Variants in CNTNAP2 observed in about 807,000 individuals in gnomAD.
CNTNAP2 encodes the protein contactin-associated protein-like 2.
A neutral mutation model predicts 155.2 loss-of-function variants in CNTNAP2; 98 were observed. The ratio of observed to expected loss-of-function variants is 0.63; its 90% CI spans 0.54 to 0.75. The LOEUF is 0.75. Ranked by LOEUF, CNTNAP2 falls within the 30% of genes least tolerant of loss-of-function variation. CNTNAP2 has a pLI of 0.00. For missense variants in CNTNAP2, 1,727 were observed against 1,688.1 expected (o/e 1.02, Z -0.40); for synonymous variants, 651 against 631.2 (o/e 1.03, Z -0.47).
intron 1 of CNTNAP2, among the ~76,000 whole-genome samples, chr7:146,144,758 T>G (rs1797933542): frequency 6.6e-6 from 1 of 152,236 alleles, no homozygotes; most frequent in Non-Finnish European, 1.5e-5. Flanking sequence ...TGTTTCTTCC[T>G]GCCTCTCTAA....
chr7:146,384,200 A>C (rs1795429681), intron 1 of CNTNAP2, among the ~76,000 whole-genome samples: 1 of 152,228 alleles, frequency 6.6e-6, no homozygotes, highest in Admixed American at 6.5e-5. Flanking sequence ...TGGTACATAA[A>C]GTGAATTGTG....
intron 16 of CNTNAP2, among the ~76,000 whole-genome samples, chr7:148,146,674 G>C (rs1235945036): frequency 6.6e-6 from 1 of 152,180 alleles, no homozygotes; most frequent in Non-Finnish European, 1.5e-5. Context: ...TTATTCTCCA[G>C]AAATGTTGTG....
At chr7:147,526,090 G>T (rs1306613836) in intron 11 of CNTNAP2, among the ~76,000 whole-genome samples, 1 of 151,602 alleles carries the variant, frequency 6.6e-6, no homozygotes, top group Admixed American at 6.6e-5. Flanking sequence ...TACTCGAGAG[G>T]CTGAGGCAGG....
chr7:147,135,100 T>C (rs1160788706), intron 8 of CNTNAP2, among the ~76,000 whole-genome samples: 3 of 151,898 alleles, frequency 2.0e-5, no homozygotes, highest in African/African-American at 7.2e-5. Flanking sequence ...GTCAACACTG[T>C]TCTTTGGGAA....
intron 8 of CNTNAP2, among the ~76,000 whole-genome samples, chr7:147,136,524 T>C (rs115949369): frequency 0.011 from 1,644 of 152,072 alleles, 21 homozygotes; most frequent in African/African-American, 0.037. Flanking sequence ...ATTGGGTGTC[T>C]CAAGGGAGGA....
chr7:146,513,016 T>C lies in CNTNAP2; in HGVS notation c.98-261255T>C, dbSNP rs531172978. Reference sequence around the variant, plus strand: ...ACAATTGTTATATCCTCTTGCTGAATTGACCCTTTTATAATTACATAGTGA... The same window carrying C: ...ACAATTGTTATATCCTCTTGCTGAACTGACCCTTTTATAATTACATAGTGA... On this transcript the variant is annotated intron_variant, in intron 1 of 23. Coordinates refer to ENST00000361727, the MANE Select transcript of CNTNAP2 (RefSeq NM_014141.6). Among the ~76,000 whole-genome samples, 5 of 152,120 alleles carry C rather than the reference T, an allele frequency of 3.3e-5. No individual in the cohort carries two copies. The East Asian group carries it at 7.7e-4, about 23-fold the overall frequency.
chr7:147,134,877 T>C lies in CNTNAP2; in HGVS notation c.1348+2368T>C, dbSNP rs561897140. On this transcript the variant is annotated intron_variant, in intron 8 of 23. Coordinates refer to ENST00000361727, the MANE Select transcript of CNTNAP2 (RefSeq NM_014141.6). The stretch of plus-strand genomic sequence containing the variant: ...CTTCTCCTTTTGTCAAATATTTTGA[T>C]TGAAAGAATTTAGAAAATGCAGAAA... Among the ~76,000 whole-genome samples the C allele has an allele frequency of 3.3e-5, 5 of 151,978 alleles. No homozygotes were observed. In the East Asian group the frequency reaches 5.8e-4, roughly 18 times the overall value.
intron 8 of CNTNAP2, among the ~76,000 whole-genome samples, chr7:147,136,298 TG>T (rs1801477016): frequency 6.6e-6 from 1 of 152,004 alleles, no homozygotes; most frequent in South Asian, 2.1e-4. Context: ...CTAAATCAGC[TG>T]TTTTCTTATA....
intron 1 of CNTNAP2, among the ~76,000 whole-genome samples, chr7:146,319,778 T>A (rs572571798): frequency 6.6e-6 from 1 of 152,298 alleles, no homozygotes; most frequent in African/African-American, 2.4e-5. Flanking sequence ...GTAGCTGATC[T>A]AATGTAGGTG....
chr7:146,707,291 C>T (rs896289179), intron 1 of CNTNAP2, among the ~76,000 whole-genome samples: 1 of 152,140 alleles, frequency 6.6e-6, no homozygotes, highest in Non-Finnish European at 1.5e-5. Flanking sequence ...ACCTCTTATG[C>T]CTGGCCCAGA....
At chr7:147,972,763 C>A (rs995932724) in intron 14 of CNTNAP2, among the ~76,000 whole-genome samples, 8 of 151,988 alleles carry the variant, frequency 5.3e-5, no homozygotes, top group Non-Finnish European at 1.0e-4. Context: ...TGAATATCTC[C>A]CTAAATTAGA....
rs536517008 is a variant in CNTNAP2 at position 147,520,273 on chromosome 7, T to G, written c.1777+34232T>G. 8.5e-5 allele frequency among the ~76,000 whole-genome samples: 13 copies of G among 152,312 alleles called. No individual in the cohort carries two copies. In the East Asian group the frequency reaches 2.5e-3, roughly 29 times the overall value. ...CAGATCAAAGATACTGAAGGGAACT[T>G]AACTGCAAATTAAAAATAGAGAATC... On this transcript the variant is annotated intron_variant, in intron 11 of 23. Transcript: ENST00000361727.
intron 1 of CNTNAP2, among the ~76,000 whole-genome samples, chr7:146,291,403 T>A (rs1310529776): frequency 6.6e-6 from 1 of 152,188 alleles, no homozygotes; most frequent in African/African-American, 2.4e-5. Context: ...TATATGAAGT[T>A]CACGTCTCAG....
intron 11 of CNTNAP2, among the ~76,000 whole-genome samples, chr7:147,547,835 A>G (rs1416770157): frequency 2.6e-5 from 4 of 151,762 alleles, no homozygotes; most frequent in Non-Finnish European, 5.9e-5. Flanking sequence ...TTCAACTCTC[A>G]CTTATGAGTG....
At chr7:148,299,080 T>G (rs1797335001) in intron 21 of CNTNAP2, among the ~76,000 whole-genome samples, 1 of 151,826 alleles carries the variant, frequency 6.6e-6, no homozygotes, top group South Asian at 2.1e-4. Context: ...AATCTCTGCC[T>G]CCCAGGTTCA....
At chr7:148,407,703 TAAAAAA>T (rs57666141) in intron 22 of CNTNAP2, among the ~76,000 whole-genome samples, 1 of 93,122 alleles carries the variant, frequency 1.1e-5, no homozygotes, top group African/African-American at 3.7e-5. Context: ...GACCAAATCT[TAAAAAA>T]AAAAAAAAAA....
intron 1 of CNTNAP2, among the ~76,000 whole-genome samples, chr7:146,291,141 AAT>A (rs1800422275): frequency 6.6e-6 from 1 of 152,188 alleles, no homozygotes; most frequent in Non-Finnish European, 1.5e-5. Context: ...CTTGACAATA[AAT>A]CCTTAAGATT....
intron 1 of CNTNAP2, among the ~76,000 whole-genome samples, chr7:146,643,951 A>G (rs1392563181): frequency 2.0e-5 from 3 of 152,030 alleles, no homozygotes; most frequent in Admixed American, 2.0e-4. Context: ...CTCATGATTT[A>G]GCTCTCTGTT....
intron 1 of CNTNAP2, among the ~76,000 whole-genome samples, chr7:146,596,964 G>A (rs1446085303): frequency 3.3e-5 from 5 of 151,976 alleles, no homozygotes; most frequent in Non-Finnish European, 4.4e-5. Flanking sequence ...AATATGTAGG[G>A]TGTCAGTAAC....
Sources: allele counts gnomAD v4.1 joint callset (sites outside exome capture counted in the v4.1 genomes callset), GRCh38; gene constraint gnomAD v4.1.1; transcripts MANE v1.5; gene names NCBI Gene and HGNC (gene_info 2026-07-23, HGNC 2026-07-21).